Variants in JAKMIP3 observed in about 807,000 individuals in gnomAD.
JAKMIP3 encodes Janus kinase and microtubule interacting protein 3, also known as janus kinase and microtubule-interacting protein 3.
Under a neutral mutation model 118.5 loss-of-function variants are expected in JAKMIP3, and 58 were observed. That is an observed-to-expected ratio of 0.49 (90% CI 0.40 to 0.61). The LOEUF (loss-of-function observed/expected upper bound fraction) is 0.61. JAKMIP3 is among the 20% of genes least tolerant of loss of function. JAKMIP3 has a pLI of 0.00. For missense variants in JAKMIP3, 950 were observed against 1,109.0 expected (o/e 0.86, Z 2.04); for synonymous variants, 486 against 451.2 (o/e 1.08, Z -0.98).
intron 1 of JAKMIP3, among the ~76,000 whole-genome samples, chr10:132,101,891 G>C (rs923387792): frequency 7.2e-5 from 11 of 152,122 alleles, no homozygotes; most frequent in African/African-American, 2.7e-4. Context: ...TTCCCCAGTG[G>C]GTTCTTCATC....
rs202131033 is a variant in JAKMIP3, at chr10:132,167,082, C to T, written c.*22+27C>T. On this transcript the variant is annotated intron_variant, in intron 22 of 23. Coordinates refer to ENST00000684848, the MANE Select transcript of JAKMIP3 (RefSeq NM_001323087.2). ...TGAGTATTTCGTTGGCAGGGCCCAGCAGGGGTCCCGCTCTGCTTCCCGGAA... is the reference window on the plus strand; with the variant it reads ...TGAGTATTTCGTTGGCAGGGCCCAGTAGGGGTCCCGCTCTGCTTCCCGGAA... 2.3e-5 allele frequency: 34 copies of T among 1,483,912 alleles called. No individual in the cohort carries two copies. The Admixed American group carries it at 6.7e-4, about 29-fold the overall frequency. 91.9% of individuals were successfully genotyped at this position (1,483,912 alleles called of 1,614,324 possible).
chr10:132,173,000 C>CCT (rs1197606724), intron 23 of JAKMIP3, among the ~76,000 whole-genome samples: 3 of 49,254 alleles, frequency 6.1e-5, no homozygotes, highest in Admixed American at 4.3e-4. Context: ...TCTCTCCTTC[C>CCT]CTCTCTCTCT....
intron 1 of JAKMIP3, among the ~76,000 whole-genome samples, chr10:132,093,461 C>A (rs543958899): frequency 6.6e-6 from 1 of 152,358 alleles, no homozygotes; most frequent in East Asian, 1.9e-4. Context: ...ACCAGCCTCG[C>A]TGCCACCTTG....
intron 1 of JAKMIP3, among the ~76,000 whole-genome samples, 106 bp downstream of exon 1, chr10:132,066,167 C>T (rs1359784071): frequency 6.6e-6 from 1 of 152,170 alleles, no homozygotes; most frequent in Non-Finnish European, 1.5e-5. Context: ...AGTGCGCACA[C>T]GTATGTGGCT....
rs1296789765 is a variant in JAKMIP3 at position 132,180,706 on chromosome 10, TGCGC to T, written c.*1104-1649_*1104-1646del. ...GCGTGTGTGTGCGTGCGTGTGTGTGTGCGCGTGTGTGTGCGTGTGTGTGCGTGTG... is the reference window on the plus strand; with the variant it reads ...GCGTGTGTGTGCGTGCGTGTGTGTGTGTGTGTGTGCGTGTGTGTGCGTGTG... On this transcript the variant is annotated intron_variant, in intron 23 of 23. Coordinates refer to ENST00000684848, the MANE Select transcript of JAKMIP3 (RefSeq NM_001323087.2). 1.4e-3 allele frequency among the ~76,000 whole-genome samples: 36 copies of T among 25,890 alleles called. 4 individuals are homozygous for T. The East Asian group carries it at 0.018, about 13-fold the overall frequency. The allele number at this position is 25,890 out of a possible 152,430, so 17.0% of individuals were successfully genotyped here. A position where few individuals can be genotyped will look rare whatever the true frequency, so the allele number is the denominator to read the frequency against.
In JAKMIP3 at chr10:132,065,979, G is replaced by T. The variant is rs1461981514; in HGVS notation, c.-220G>T. Among the ~76,000 whole-genome samples the T allele has an allele frequency of 6.6e-6, 1 of 152,184 alleles. No individual in the cohort carries two copies. The highest frequency in any genetic ancestry group is 2.4e-5 in the African/African-American group (1 of 41,442). On this transcript the variant is annotated 5_prime_UTR_variant, in exon 1 of 24. Transcript: ENST00000684848. The surrounding 1 kb of genome is among the most constrained non-coding windows in gnomAD (Gnocchi z 5.6). Reference sequence around the variant, plus strand: ...TCGGAGCTGATTTGCGCAAAAGCCGGACTGAGTCTTGGACGAGCCGGGAAA... The same window carrying T: ...TCGGAGCTGATTTGCGCAAAAGCCGTACTGAGTCTTGGACGAGCCGGGAAA...
chr10:132,180,788 T>TGTGTGCGCGC (rs1491365450), intron 23 of JAKMIP3, among the ~76,000 whole-genome samples: 1 of 10,730 alleles, frequency 9.3e-5, no homozygotes, highest in African/African-American at 3.4e-4. Flanking sequence ...TGTGTGCGCG[T>TGTGTGCGCGC]ATGCATGTGC....
chr10:132,115,325 T>C (rs555354646), intron 2 of JAKMIP3, among the ~76,000 whole-genome samples: 1 of 152,234 alleles, frequency 6.6e-6, no homozygotes, highest in East Asian at 1.9e-4. Context: ...GTCATGCCAG[T>C]GGTACACTTC....
chr10:132,080,727 C>G (rs1224544763), intron 1 of JAKMIP3, among the ~76,000 whole-genome samples: 1 of 151,626 alleles, frequency 6.6e-6, no homozygotes, highest in African/African-American at 2.4e-5. Context: ...ACCATGTTGA[C>G]CGGGCTGGTC....
At chr10:132,061,602 T>C (rs1564855578), upstream of JAKMIP3, among the ~76,000 whole-genome samples, 1 of 152,120 alleles carries the variant, frequency 6.6e-6, no homozygotes, top group Non-Finnish European at 1.5e-5. Flanking sequence ...ACAGAGACCA[T>C]CACAGTAGAG....
chr10:132,048,227 C>T (rs1287979272), intron 1 of JAKMIP3, among the ~76,000 whole-genome samples: 4 of 152,162 alleles, frequency 2.6e-5, no homozygotes, highest in Admixed American at 2.6e-4. Flanking sequence ...TTGGGAAGTC[C>T]CTGTTCAGAG....
intron 9 of JAKMIP3, 31 bp downstream of exon 9, chr10:132,138,209 A>T: frequency 1.3e-6 from 2 of 1,579,928 alleles, no homozygotes; most frequent in Non-Finnish European, 1.7e-6. Flanking sequence ...ACGTGCGGAG[A>T]GTACGCCGGG....
rs867194445 is a variant in JAKMIP3, at chr10:132,123,142, C to A, written c.633+5568C>A. Reference sequence around the variant, plus strand: ...AGACGTGGAAGGGGCGAGGCACTTTCCACCCACAGGTGCGATGACCAGTGC... The same window carrying A: ...AGACGTGGAAGGGGCGAGGCACTTTACACCCACAGGTGCGATGACCAGTGC... On this transcript the variant is annotated intron_variant, in intron 3 of 23. Transcript: ENST00000684848. Among the ~76,000 whole-genome samples, 8 of 152,320 alleles carry A rather than the reference C, an allele frequency of 5.3e-5. No individual in the cohort carries two copies. The South Asian group carries it at 1.2e-3, about 24-fold the overall frequency.
chr10:132,146,624 GCTAGGGTAGC>G (rs1241905546), intron 13 of JAKMIP3, among the ~76,000 whole-genome samples: 1 of 152,192 alleles, frequency 6.6e-6, no homozygotes, highest in Non-Finnish European at 1.5e-5. Flanking sequence ...CTGGGGAGAA[GCTAGGGTAGC>G]CTGGCTGATG....
intron 1 of JAKMIP3, among the ~76,000 whole-genome samples, chr10:132,085,199 T>G (rs2042232913): frequency 6.6e-6 from 1 of 152,206 alleles, no homozygotes; most frequent in Admixed American, 6.5e-5. Context: ...CATCTGGTCC[T>G]GGATTTTTTT....
intron 3 of JAKMIP3, among the ~76,000 whole-genome samples, chr10:132,123,044 C>T (rs926629343): frequency 3.9e-5 from 6 of 152,202 alleles, no homozygotes; most frequent in African/African-American, 9.6e-5. Flanking sequence ...TCCTCGTCTG[C>T]GCATGGCCCA....
At chr10:132,138,793 T>C (rs919254240) in intron 9 of JAKMIP3, among the ~76,000 whole-genome samples, 1 of 152,170 alleles carries the variant, frequency 6.6e-6, no homozygotes. Flanking sequence ...CGGCTGAGGC[T>C]GCTCACACTC....
chr10:132,102,814 A>G (rs1157008514), intron 1 of JAKMIP3, among the ~76,000 whole-genome samples: 2 of 152,134 alleles, frequency 1.3e-5, no homozygotes, highest in African/African-American at 2.4e-5. Flanking sequence ...CCCATGTCCA[A>G]GTCTCCCTCC....
chr10:132,105,460 T>C (rs1019499513), intron 2 of JAKMIP3, among the ~76,000 whole-genome samples: 1 of 151,940 alleles, frequency 6.6e-6, no homozygotes, highest in Non-Finnish European at 1.5e-5. Context: ...CACGATGGCC[T>C]CTGGCTGGAT....
Sources: gnomAD v4.1 joint callset for allele counts (sites outside exome capture counted in the v4.1 genomes callset) on GRCh38, gnomAD v4.1.1 for gene constraint, Gnocchi (gnomAD v3.1) non-coding constraint, MANE v1.5 for transcripts, NCBI Gene and HGNC (gene_info 2026-07-23, HGNC 2026-07-21) for gene names.